GRM4: variants seen among roughly 807,000 people sequenced by gnomAD.
The protein encoded by GRM4 is metabotropic glutamate receptor 4.
GRM4 carries 28 observed loss-of-function variants against 81.7 expected under a neutral mutation model. The observed-to-expected ratio is 0.34, with a 90% CI of 0.25 to 0.47. The LOEUF is 0.47. GRM4 is among the 20% of genes least tolerant of loss of function. GRM4 has a pLI of 1.00. For missense variants in GRM4, 948 were observed against 1,290.0 expected, an observed-to-expected ratio of 0.73 and a Z score of 4.06; for synonymous variants, 488 against 528.8, an observed-to-expected ratio of 0.92 and a Z score of 1.06.
At position 34,069,647 on chromosome 6, in the gene GRM4, A is replaced by AGT. The variant is rs3222082; in HGVS notation, c.737-7621_737-7620dup. On this transcript the variant is annotated intron_variant, in intron 3 of 10. Coordinates refer to ENST00000538487, the MANE Select transcript of GRM4 (RefSeq NM_000841.4). The surrounding 1 kb of genome is among the most constrained non-coding windows in gnomAD (Gnocchi z 6.4). ...GGCTTTACAACCCTTGGCAGCCCCC[A>AGT]GTGTGTGTGTGTGTGTGTGTGTGTG... Among the ~76,000 whole-genome samples the AGT allele has an allele frequency of 0.1, 14,440 of 144,232 alleles. 860 individuals are homozygous for AGT. Among genetic ancestry groups the AGT allele is most frequent in the Admixed American group, 0.21 (3,002 of 14,576 alleles). 94.6% of individuals were successfully genotyped at this position (144,232 alleles called of 152,430 possible).
chr6:34,125,605 A>G (rs1220933894), intron 2 of GRM4, among the ~76,000 whole-genome samples: 1 of 152,232 alleles, frequency 6.6e-6, no homozygotes, highest in Non-Finnish European at 1.5e-5. Flanking sequence ...ACTGGCCCCA[A>G]TCCACAGGGA....
chr6:34,098,998 G>A (rs1342630259), intron 2 of GRM4, among the ~76,000 whole-genome samples: 1 of 150,516 alleles, frequency 6.6e-6, no homozygotes, highest in East Asian at 2.0e-4. Flanking sequence ...CCCCCTCACA[G>A]AGCACCTGAG....
chr6:34,155,261 G>A lies in GRM4; in HGVS notation c.130C>T (p.Arg44Cys), dbSNP rs1771127561. The A allele has an allele frequency of 2.6e-6, 4 of 1,534,984 alleles. No homozygotes were observed. In the South Asian group the frequency reaches 4.8e-5, roughly 18 times the overall value. ...AATCCAAAGGACCTGGGCGGGAGGC[G>A]GCAGGTGAGGTTTCCTTGGTGGGAG... Residue 44 changes from arginine (R) to cysteine (C), a missense_variant, in exon 1 of 9, where the codon CGC becomes TGC. Arg to Cys is a radical substitution (Grantham distance 180). Transcript: ENST00000374177.
intron 9 of GRM4, among the ~76,000 whole-genome samples, 200 bp from the exon 10 acceptor site, chr6:34,028,566 C>T (rs1764256261): frequency 6.6e-6 from 1 of 152,240 alleles, no homozygotes; most frequent in South Asian, 2.1e-4. Flanking sequence ...ATATTAGACA[C>T]GTCACATCCT....
At position 34,036,184 on chromosome 6, in the gene GRM4, G is replaced by C. The variant is rs1173800836; in HGVS notation, c.1926C>G (p.Leu642=). The change falls in exon 9 of 11, where the codon CTC becomes CTG. Residue 642 remains leucine (L), a synonymous_variant. Transcript: ENST00000538487. This position sits in a 1 kb window ranked among gnomAD's most constrained non-coding sequence, Gnocchi z 9.0. The part of the protein sequence containing the change: ...GIFLCYATTF[L]MIAEPDLGTC... Reference sequence around the variant, plus strand: ...TGCCAAGGTCGGGCTCAGCGATCATGAGGAAGGTGGTGGCATAGCACAGGA... The same window carrying C: ...TGCCAAGGTCGGGCTCAGCGATCATCAGGAAGGTGGTGGCATAGCACAGGA... 1 of 1,614,216 alleles carries C rather than the reference G, an allele frequency of 6.2e-7. No individual in the cohort carries two copies. Among genetic ancestry groups the C allele is most frequent in the African/African-American group, 1.3e-5 (1 of 75,062 alleles).
At chr6:34,031,169 G>A (rs1369723933) in intron 9 of GRM4, among the ~76,000 whole-genome samples, 4 of 152,192 alleles carry the variant, frequency 2.6e-5, no homozygotes. Flanking sequence ...GTCCTAAAGG[G>A]AGGTAGAGCG....
chr6:34,044,633 GACAC>G (rs1281799556), intron 6 of GRM4, among the ~76,000 whole-genome samples: 1 of 54,502 alleles, frequency 1.8e-5, no homozygotes, highest in Admixed American at 1.7e-4. Flanking sequence ...TATACACGCA[GACAC>G]ACACACATAT....
chr6:34,072,700 G>T (rs201674886), intron 3 of GRM4, among the ~76,000 whole-genome samples: 3 of 11,676 alleles, frequency 2.6e-4, no homozygotes, highest in Admixed American at 9.4e-4. Context: ...ATACAGATAC[G>T]CACCACACAC....
At chr6:34,143,243 A>G (rs1770776463) in intron 1 of GRM4, among the ~76,000 whole-genome samples, 1 of 152,214 alleles carries the variant, frequency 6.6e-6, no homozygotes, top group Non-Finnish European at 1.5e-5. Flanking sequence ...ACAAGCGGAC[A>G]TCACGCCCAG....
chr6:34,127,710 C>T (rs1174217449), intron 2 of GRM4, among the ~76,000 whole-genome samples: 2 of 152,058 alleles, frequency 1.3e-5, no homozygotes, highest in African/African-American at 4.8e-5. Context: ...TTGTCATGCC[C>T]AGGACAAGTT....
At chr6:34,081,652 G>C (rs114702339) in intron 3 of GRM4, among the ~76,000 whole-genome samples, 2 of 152,382 alleles carry the variant, frequency 1.3e-5, no homozygotes, top group African/African-American at 2.4e-5. Flanking sequence ...GGGGCTGAGA[G>C]TGGGACGCAG....
chr6:34,113,511 A>G (rs2127500302), intron 2 of GRM4, among the ~76,000 whole-genome samples: 1 of 152,320 alleles, frequency 6.6e-6, no homozygotes, highest in East Asian at 1.9e-4. Flanking sequence ...TAAGGAAAAC[A>G]GATGCGGGTC....
intron 3 of GRM4, among the ~76,000 whole-genome samples, chr6:34,067,485 C>A (rs1766540877): frequency 7.1e-6 from 1 of 141,424 alleles, no homozygotes; most frequent in African/African-American, 2.6e-5. Flanking sequence ...TCCCTCTCTT[C>A]CTTCCTTTCT....
chr6:34,056,456 A>G, intron 6 of GRM4, 88 bp downstream of exon 6: 3 of 1,227,142 alleles, frequency 2.4e-6, no homozygotes, highest in Non-Finnish European at 3.4e-6. Context: ...CGACAGACAA[A>G]GGGAGACTCT....
At position 34,133,385 on chromosome 6, in the gene GRM4, G is replaced by GCTT; in HGVS notation, c.111_112insAAG (p.His37_Pro38insLys). ...TCTATGCGGATGGAATTCATGTGAG[G>GCTT]GTGGCCTTTGGGCTTTCCCAGGGAG... On this transcript the variant is annotated inframe_insertion, in exon 2 of 11. Transcript: ENST00000538487. This position sits in a 1 kb window ranked among gnomAD's most constrained non-coding sequence, Gnocchi z 6.5. 8 of 1,613,862 alleles carry GCTT rather than the reference G, an allele frequency of 5.0e-6. No individual in the cohort carries two copies. The highest frequency in any genetic ancestry group is 6.8e-6 in the Non-Finnish European group (8 of 1,179,966).
Position 34,035,721 on chromosome 6 carries a change from C to T in GRM4, c.2389G>A (p.Val797Ile), listed in dbSNP as rs149730753. The T allele has an allele frequency of 1.3e-5, 21 of 1,598,924 alleles. No individual in the cohort carries two copies. The highest frequency in any genetic ancestry group is 6.7e-5 in the African/African-American group (5 of 74,716). ...AAGATGGGGATGAAGGCCAGCCAGA[C>T]GATGCAAGTGGTGTACATGGTGAAG... The part of the protein sequence containing the change: ...IGFTMYTTCI[V>I]WLAFIPIFFG... Residue 797 changes from valine to isoleucine, a missense_variant, in exon 9 of 11, where the codon GTC becomes ATC. Val to Ile is a conservative substitution (Grantham distance 29). Coordinates refer to ENST00000538487, the MANE Select transcript of GRM4 (RefSeq NM_000841.4). This position sits in a 1 kb window ranked among gnomAD's most constrained non-coding sequence, Gnocchi z 6.6.
At chr6:34,085,889 T>C (rs2499707) in intron 3 of GRM4, among the ~76,000 whole-genome samples, 141,331 of 152,266 alleles carry the variant, frequency 0.93, 65,707 homozygotes, top group African/African-American at 0.97. Context: ...TCCGAGAAGA[T>C]ACCTGAAGAC....
intron 2 of GRM4, chr6:34,103,514 A>G: frequency 3.1e-6 from 4 of 1,293,524 alleles, no homozygotes; most frequent in Non-Finnish European, 4.3e-6. Context: ...GGGAGAGCAA[A>G]CGCGATCCTC....
Position 34,056,605 on chromosome 6 carries a change from G to A in GRM4, c.1107C>T (p.Asn369=). The A allele has an allele frequency of 6.2e-7, 1 of 1,613,656 alleles. No individual in the cohort carries two copies. The highest frequency in any genetic ancestry group is 8.5e-7 in the Non-Finnish European group (1 of 1,179,946). The change falls in exon 6 of 11, where the codon AAC becomes AAT. Residue 369 remains asparagine, a synonymous_variant. Coordinates refer to ENST00000538487, the MANE Select transcript of GRM4 (RefSeq NM_000841.4). ...CGTGGCGGCTCAGCTTGCAGTGGAA[G>A]TTGTCCTCCCAGAACTCGGCAAACC... ...NIWFAEFWED[N]FHCKLSRHAL... is the part of the protein sequence containing the mutation.
Sources: allele counts gnomAD v4.1 joint callset (sites outside exome capture counted in the v4.1 genomes callset), GRCh38; gene constraint gnomAD v4.1.1; non-coding constraint Gnocchi (gnomAD v3.1); transcripts MANE v1.5; gene names NCBI Gene and HGNC (gene_info 2026-07-23, HGNC 2026-07-21).